Variants in WWOX observed in about 807,000 individuals in gnomAD.
WWOX encodes WW domain containing oxidoreductase.
In WWOX, 69 loss-of-function variants were observed where a neutral mutation model predicts 46.2. That is an observed-to-expected ratio of 1.49 (90% CI 1.23 to 1.82). The LOEUF (loss-of-function observed/expected upper bound fraction) is 1.82, where lower values mean the gene tolerates loss of function less well. WWOX is among the 40% of genes most tolerant of loss of function. WWOX has a pLI of 0.00. For synonymous variants in WWOX, 359 were observed against 202.6 expected, an observed-to-expected ratio of 1.77 and a Z score of -6.56; for missense variants, 919 against 542.6, an observed-to-expected ratio of 1.69 and a Z score of -6.89.
At chr16:78,794,933 A>C (rs138415888) in intron 8 of WWOX, among the ~76,000 whole-genome samples, 1 of 152,228 alleles carries the variant, frequency 6.6e-6, no homozygotes, top group Non-Finnish European at 1.5e-5. Flanking sequence ...GCATACTGCA[A>C]ATATCTATGG....
At chr16:78,527,016 T>C (rs919108657) in intron 8 of WWOX, among the ~76,000 whole-genome samples, 70 of 152,214 alleles carry the variant, frequency 4.6e-4, no homozygotes, top group Middle Eastern at 6.8e-3. Context: ...AATACAAAAT[T>C]AGCTGGGTGT....
intron 8 of WWOX, among the ~76,000 whole-genome samples, chr16:78,906,765 G>C (rs563048105): frequency 1.3e-5 from 2 of 152,290 alleles, no homozygotes; most frequent in African/African-American, 4.8e-5. Context: ...AATTGTTTTT[G>C]ATCATGTGAC....
chr16:78,945,959 G>T (rs2045941022), intron 8 of WWOX, among the ~76,000 whole-genome samples: 2 of 151,880 alleles, frequency 1.3e-5, no homozygotes, highest in African/African-American at 4.8e-5. Context: ...GTCTCTTCAG[G>T]CTAATAATCA....
At position 78,985,771 on chromosome 16, in the gene WWOX, A is replaced by G. The variant is rs1279361588; in HGVS notation, c.1057-225837A>G. ...GCAAAAGAGTGAGACTCCATCTGAA[A>G]AAGAAAAAAAGAATAGGCACAGACA... On this transcript the variant is annotated intron_variant, in intron 8 of 8. Coordinates refer to ENST00000566780, the MANE Select transcript of WWOX (RefSeq NM_016373.4). Among the ~76,000 whole-genome samples, 3 of 43,240 alleles carry G rather than the reference A, an allele frequency of 6.9e-5. No homozygotes were observed. In the East Asian group the frequency reaches 2.6e-3, roughly 38 times the overall value. The allele number at this position is 43,240 out of a possible 152,430, so 28.4% of individuals were successfully genotyped here. A position where few individuals can be genotyped will look rare whatever the true frequency, so the allele number is the denominator to read the frequency against.
chr16:78,293,669 T>G lies in WWOX; in HGVS notation c.517-93191T>G, dbSNP rs151032278. 5.1e-4 allele frequency among the ~76,000 whole-genome samples: 78 copies of G among 152,132 alleles called. 1 individual carries two copies. Among genetic ancestry groups the G allele is most frequent in the African/African-American group, 1.7e-3 (69 of 41,516 alleles). ...TCATCCAAGCACAAAGAAACCTTTG[T>G]TTTCATTCAAGACTTCCCTAAAAGG... On this transcript the variant is annotated intron_variant, in intron 5 of 8. Transcript: ENST00000566780.
intron 8 of WWOX, among the ~76,000 whole-genome samples, chr16:78,875,073 A>G (rs2151207387): frequency 6.6e-6 from 1 of 152,172 alleles, no homozygotes; most frequent in Admixed American, 6.5e-5. Flanking sequence ...CAACTCAACA[A>G]GCTAGCTCTT....
intron 5 of WWOX, among the ~76,000 whole-genome samples, chr16:78,247,701 A>T (rs2037856010): frequency 6.6e-6 from 1 of 152,140 alleles, no homozygotes; most frequent in South Asian, 2.1e-4. Context: ...CAGTCCGTGG[A>T]TCACCTCACT....
intron 5 of WWOX, among the ~76,000 whole-genome samples, chr16:78,201,448 A>G (rs562292706): frequency 1.3e-5 from 2 of 152,224 alleles, no homozygotes; most frequent in Non-Finnish European, 2.9e-5. Flanking sequence ...AAGACCTGAA[A>G]TGATAAATGT....
intron 8 of WWOX, among the ~76,000 whole-genome samples, chr16:78,514,492 G>T (rs553283284): frequency 8.0e-4 from 122 of 152,310 alleles, no homozygotes; most frequent in African/African-American, 2.4e-3. Flanking sequence ...TAGCAAAGGT[G>T]AAGTGGTCCT....
chr16:78,354,213 G>T (rs1297897355), intron 5 of WWOX, among the ~76,000 whole-genome samples: 3 of 151,812 alleles, frequency 2.0e-5, no homozygotes, highest in African/African-American at 4.8e-5. Context: ...AACGTTTGCT[G>T]GTGCCCACCC....
intron 6 of WWOX, among the ~76,000 whole-genome samples, chr16:78,392,856 T>G (rs2082205981): frequency 6.6e-6 from 1 of 152,130 alleles, no homozygotes; most frequent in Admixed American, 6.5e-5. Context: ...ACTCTCTGTT[T>G]ACTCACTCCC....
intron 8 of WWOX, among the ~76,000 whole-genome samples, chr16:79,125,047 CT>C (rs1302169301): frequency 0.092 from 7,899 of 86,284 alleles, 613 homozygotes; most frequent in African/African-American, 0.21. Flanking sequence ...ATTTTCCCAT[CT>C]TTTTTTTTTT....
intron 8 of WWOX, among the ~76,000 whole-genome samples, chr16:78,880,071 G>C (rs890211299): frequency 2.0e-5 from 3 of 152,202 alleles, no homozygotes; most frequent in Admixed American, 6.5e-5. Context: ...GATACGAGTT[G>C]ATGATACCGT....
chr16:78,195,102 C>T (rs1376161163), intron 5 of WWOX, among the ~76,000 whole-genome samples: 1 of 152,218 alleles, frequency 6.6e-6, no homozygotes, highest in Non-Finnish European at 1.5e-5. Context: ...GTTCCCCAGT[C>T]CTGCCAAGCT....
rs376067556 is a variant in WWOX, at chr16:78,174,937, G to A, written c.516+10648G>A. On this transcript the variant is annotated intron_variant, in intron 5 of 8. Coordinates refer to ENST00000566780, the MANE Select transcript of WWOX (RefSeq NM_016373.4). ...TGGGAGGTGGAGGTTGCAGTGAGCC[G>A]AGATCAGGCCACTGCACTCCAATCT... 3.1e-4 allele frequency among the ~76,000 whole-genome samples: 47 copies of A among 151,742 alleles called. No homozygotes were observed. In the East Asian group the frequency reaches 6.6e-3, roughly 21 times the overall value.
chr16:78,226,111 C>A (rs957412929), intron 5 of WWOX, among the ~76,000 whole-genome samples: 1 of 152,182 alleles, frequency 6.6e-6, no homozygotes, highest in Admixed American at 6.5e-5. Context: ...TCAGCAACAT[C>A]TGAGTATCCT....
intron 5 of WWOX, among the ~76,000 whole-genome samples, chr16:78,265,341 G>A (rs1238213122): frequency 2.6e-5 from 4 of 152,066 alleles, no homozygotes; most frequent in African/African-American, 7.2e-5. Flanking sequence ...CAGCCTGGAT[G>A]GACTAAGAAT....
At chr16:78,501,328 G>A (rs1010884704) in intron 8 of WWOX, among the ~76,000 whole-genome samples, 2 of 151,162 alleles carry the variant, frequency 1.3e-5, no homozygotes, top group African/African-American at 2.4e-5. Flanking sequence ...CATTCTTTAT[G>A]AAAATCTTCA....
chr16:78,737,851 C>G lies in WWOX; in HGVS notation c.1056+305099C>G, dbSNP rs8057617. On this transcript the variant is annotated intron_variant, in intron 8 of 8. Coordinates refer to ENST00000566780, the MANE Select transcript of WWOX (RefSeq NM_016373.4). ...TGGAGTGTGTCCTGGGTGGTTTGTC[C>G]TTGGGCCACTTTATTCCCTCACCGA... Among the ~76,000 whole-genome samples, 291 of 152,168 alleles carry G rather than the reference C, an allele frequency of 1.9e-3. 2 individuals carry two copies. Among genetic ancestry groups the G allele is most frequent in the Middle Eastern group, 0.01 (3 of 294 alleles).
Sources: gnomAD v4.1 joint callset for allele counts (sites outside exome capture counted in the v4.1 genomes callset) on GRCh38, gnomAD v4.1.1 for gene constraint, MANE v1.5 for transcripts, NCBI Gene and HGNC (gene_info 2026-07-23, HGNC 2026-07-21) for gene names.